DCAF5: variants seen among roughly 807,000 people sequenced by gnomAD.
DCAF5 encodes DDB1- and CUL4-associated factor 5.
Under a neutral mutation model 80.7 loss-of-function variants are expected in DCAF5, and 9 were observed. The ratio of observed to expected loss-of-function variants is 0.11; its 90% CI spans 0.07 to 0.19. The LOEUF is 0.19. Among genes scored for constraint, DCAF5 ranks in the 10% least tolerant of loss-of-function variants. The pLI is 1.00. For missense variants in DCAF5, 842 were observed against 1,205.7 expected, an observed-to-expected ratio of 0.70 and a Z score of 4.47; for synonymous variants, 433 against 461.9, an observed-to-expected ratio of 0.94 and a Z score of 0.80.
At chr14:69,147,905 A>G (rs541811681) in intron 1 of DCAF5, among the ~76,000 whole-genome samples, 246 of 152,242 alleles carry the variant, frequency 1.6e-3, no homozygotes, top group Middle Eastern at 3.4e-3. Context: ...AATGCCTTAA[A>G]CTTCGATTCA....
At chr14:69,075,269 G>T in intron 7 of DCAF5, 76 bp downstream of exon 7, 2 of 1,163,750 alleles carry the variant, frequency 1.7e-6, no homozygotes, top group Non-Finnish European at 2.5e-6. Context: ...CTAAAGATCT[G>T]TCCCCTCAGG....
intron 6 of DCAF5, 69 bp downstream of exon 6, chr14:69,091,605 G>T: frequency 7.3e-7 from 1 of 1,373,068 alleles, no homozygotes; most frequent in Non-Finnish European, 1.0e-6. Flanking sequence ...GAGAAATAAA[G>T]ACCAGTATAG....
chr14:69,083,586 C>T (rs956929428), intron 6 of DCAF5: 2 of 489,412 alleles, frequency 4.1e-6, no homozygotes, highest in African/African-American at 4.0e-5. Context: ...TGAATGTGGG[C>T]TTATCAGATG....
At position 69,122,332 on chromosome 14, in the gene DCAF5, C is replaced by A; in HGVS notation, c.243G>T (p.Trp81Cys). 1 of 1,612,624 alleles carries A rather than the reference C, an allele frequency of 6.2e-7. No individual in the cohort carries two copies. Among genetic ancestry groups the A allele is most frequent in the Non-Finnish European group, 8.5e-7 (1 of 1,178,866 alleles). The change falls in exon 2 of 9, where the codon TGG becomes TGT. Residue 81 changes from tryptophan to cysteine, a missense_variant. By Grantham distance (215) the Trp-to-Cys change is radical. Transcript: ENST00000341516. ...SGGDDRRVLLWHMEQAIHSRV... is the reference protein window; with the variant it reads ...SGGDDRRVLLCHMEQAIHSRV... ...TGGAGTGGATGGCTTGTTCCATGTGCCATAGCAGAACCCGGCGGTCATCTC... is the reference window on the plus strand; with the variant it reads ...TGGAGTGGATGGCTTGTTCCATGTGACATAGCAGAACCCGGCGGTCATCTC...
chr14:69,101,006 T>G (rs776886163), intron 5 of DCAF5, among the ~76,000 whole-genome samples: 3 of 152,248 alleles, frequency 2.0e-5, no homozygotes, highest in African/African-American at 4.8e-5. Context: ...TTTTCATGTA[T>G]ATCATATCAT....
chr14:69,108,353 A>C (rs1204688439), intron 5 of DCAF5, among the ~76,000 whole-genome samples: 1 of 152,212 alleles, frequency 6.6e-6, no homozygotes, highest in Non-Finnish European at 1.5e-5. Context: ...ACGTAAAGAA[A>C]AATCAAGAAA....
chr14:69,102,689 C>T (rs946966843), intron 5 of DCAF5, among the ~76,000 whole-genome samples: 7 of 151,582 alleles, frequency 4.6e-5, no homozygotes, highest in Admixed American at 2.0e-4. Context: ...ATCTGTTCTA[C>T]TAACATCTTC....
At chr14:69,070,073 T>G (rs749531140) in intron 7 of DCAF5, among the ~76,000 whole-genome samples, 2 of 152,180 alleles carry the variant, frequency 1.3e-5, no homozygotes, top group African/African-American at 4.8e-5. Context: ...AAGCCCCCAG[T>G]TGGAAGATAA....
At chr14:69,061,297 C>T (rs1356098025) in intron 8 of DCAF5, among the ~76,000 whole-genome samples, 4 of 152,088 alleles carry the variant, frequency 2.6e-5, no homozygotes, top group South Asian at 4.2e-4. Flanking sequence ...CAGGCAAAAT[C>T]GAGGTATTTT....
rs372814302 is a variant in DCAF5 at position 69,108,911 on chromosome 14, T to C, written c.665+7455A>G. Among the ~76,000 whole-genome samples the C allele has an allele frequency of 2.3e-4, 35 of 152,298 alleles. No individual in the cohort carries two copies. The South Asian group carries it at 7.2e-3, about 32-fold the overall frequency. ...TTCTAGGTCCACCTGACTCTTCTCG[T>C]TCTCTCTTTTGTCCCTTTAAGGCAG... On this transcript the variant is annotated intron_variant, in intron 5 of 8. Transcript: ENST00000341516.
chr14:69,147,545 T>A (rs942426830), intron 1 of DCAF5, among the ~76,000 whole-genome samples: 1 of 152,180 alleles, frequency 6.6e-6, no homozygotes, highest in African/African-American at 2.4e-5. Flanking sequence ...AGCAGCTGGG[T>A]TGGTGTTCAC....
chr14:69,128,704 G>A (rs1179284433), intron 1 of DCAF5, among the ~76,000 whole-genome samples: 1 of 152,070 alleles, frequency 6.6e-6, no homozygotes, highest in East Asian at 1.9e-4. Flanking sequence ...GGAGGCGGAG[G>A]TTGCAGTGAG....
intron 1 of DCAF5, among the ~76,000 whole-genome samples, chr14:69,125,949 A>T (rs2040859802): frequency 6.6e-6 from 1 of 152,176 alleles, no homozygotes; most frequent in South Asian, 2.1e-4. Context: ...TTAAAAAAAA[A>T]TACAGAAGTG....
At chr14:69,140,375 A>G (rs1208611446) in intron 1 of DCAF5, among the ~76,000 whole-genome samples, 1 of 152,210 alleles carries the variant, frequency 6.6e-6, no homozygotes, top group Admixed American at 6.5e-5. Context: ...GAGGGGGCCA[A>G]CTTTTACTCC....
intron 6 of DCAF5, among the ~76,000 whole-genome samples, chr14:69,077,032 A>C (rs989172059): frequency 2.6e-5 from 4 of 152,172 alleles, no homozygotes; most frequent in African/African-American, 9.7e-5. Context: ...TCTAATGTGA[A>C]CTCATAAAAG....
intron 7 of DCAF5, among the ~76,000 whole-genome samples, chr14:69,071,627 AGAATGAAT>A (rs928328294): frequency 6.6e-6 from 1 of 152,090 alleles, no homozygotes; most frequent in African/African-American, 2.4e-5. Context: ...GGAGAGAGAG[AGAATGAAT>A]GAATGAATGA....
At chr14:69,085,346 A>T in intron 6 of DCAF5, 1 of 674,888 alleles carries the variant, frequency 1.5e-6, no homozygotes, top group Non-Finnish European at 2.8e-6. Flanking sequence ...ATCTTTAAAC[A>T]TATTAGCAAG....
chr14:69,135,388 C>A (rs1250555494), intron 1 of DCAF5, among the ~76,000 whole-genome samples: 1 of 152,132 alleles, frequency 6.6e-6, no homozygotes, highest in African/African-American at 2.4e-5. Flanking sequence ...CAAATTTCAA[C>A]CAGAGTACAC....
intron 5 of DCAF5, among the ~76,000 whole-genome samples, chr14:69,095,726 T>C (rs190508872): frequency 6.6e-6 from 1 of 152,138 alleles, no homozygotes; most frequent in African/African-American, 2.4e-5. Flanking sequence ...ACATAGGGAA[T>C]TGAAAAAGCT....
Sources: allele counts gnomAD v4.1 joint callset (sites outside exome capture counted in the v4.1 genomes callset), GRCh38; gene constraint gnomAD v4.1.1; transcripts MANE v1.5; gene names NCBI Gene and HGNC (gene_info 2026-07-23, HGNC 2026-07-21).